The following MMEL1 variants were observed in gnomAD, a reference collection of about 807,000 sequenced individuals.
The protein encoded by MMEL1 is membrane metallo-endopeptidase-like 1.
MMEL1 carries 98 observed loss-of-function variants against 117.1 expected under a neutral mutation model. The observed-to-expected ratio is 0.84, with a 90% CI of 0.71 to 0.99. The LOEUF (loss-of-function observed/expected upper bound fraction) is 0.99, where lower values mean the gene tolerates loss of function less well. Ranked by LOEUF, MMEL1 falls within the 50% of genes least tolerant of loss-of-function variation. MMEL1 has a pLI of 0.00. For synonymous variants in MMEL1, 390 were observed against 415.1 expected, an observed-to-expected ratio of 0.94 and a Z score of 0.74; for missense variants, 1,014 against 1,049.1, an observed-to-expected ratio of 0.97 and a Z score of 0.46.
intron 2 of MMEL1, among the ~76,000 whole-genome samples, chr1:2,627,777 C>G (rs1638341383): frequency 6.6e-6 from 1 of 152,202 alleles, no homozygotes; most frequent in Non-Finnish European, 1.5e-5. Context: ...CTTCCACAAA[C>G]AATCCTGGAC....
chr1:2,595,429 T>C lies in MMEL1; in HGVS notation c.1501-70A>G. On this transcript the variant is annotated intron_variant, in intron 15 of 23. Transcript: ENST00000378412. The surrounding 1 kb of genome is among the most constrained non-coding windows in gnomAD (Gnocchi z 4.8). ...TGGAGTCAGCCCGGGGGCCGGTCAG[T>C]GAGTGCCACACTGTGGGAGGGGTCA... The C allele has an allele frequency of 1.5e-6, 2 of 1,367,026 alleles. No individual in the cohort carries two copies. The highest frequency in any genetic ancestry group is 2.1e-6 in the Non-Finnish European group (2 of 958,754). 84.7% of individuals were successfully genotyped at this position (1,367,026 alleles called of 1,614,324 possible).
chr1:2,618,076 T>G (rs928564606), intron 2 of MMEL1, among the ~76,000 whole-genome samples: 7 of 152,272 alleles, frequency 4.6e-5, no homozygotes, highest in African/African-American at 7.2e-5. Flanking sequence ...TGCCTTGATT[T>G]GAATAAGACC....
At chr1:2,606,097 G>C in intron 8 of MMEL1, 151 bp downstream of exon 8, 1 of 645,276 alleles carries the variant, frequency 1.5e-6, no homozygotes, top group East Asian at 2.6e-5. Context: ...GCTCGTTCCC[G>C]GGCCCACGGA....
At chr1:2,627,288 G>A (rs544514615) in intron 2 of MMEL1, among the ~76,000 whole-genome samples, 1 of 152,346 alleles carries the variant, frequency 6.6e-6, no homozygotes, top group East Asian at 1.9e-4. Context: ...AAGATTTGAT[G>A]TAACTACAAG....
intron 6 of MMEL1, among the ~76,000 whole-genome samples, chr1:2,607,464 G>T (rs1645048264): frequency 6.6e-6 from 1 of 151,740 alleles, no homozygotes; most frequent in Non-Finnish European, 1.5e-5. Flanking sequence ...CTCAGGCAGC[G>T]GTGGGTGGGC....
rs1227076842 is a variant in MMEL1 at position 2,607,070 on chromosome 1, C to T, written c.536-1G>A. ...TGAGAGCCTCGCTTCTCTATCACACCTGAGAAGGGACGCAGTGGTCACTCT... is the reference window on the plus strand; with the variant it reads ...TGAGAGCCTCGCTTCTCTATCACACTTGAGAAGGGACGCAGTGGTCACTCT... On this transcript the variant is annotated splice_acceptor_variant, in intron 6 of 23. Transcript: ENST00000378412. LOFTEE classifies it high-confidence loss of function. The T allele has an allele frequency of 1.2e-6, 2 of 1,611,038 alleles. No homozygotes were observed. Among genetic ancestry groups the T allele is most frequent in the Admixed American group, 3.3e-5 (2 of 60,024 alleles).
intron 9 of MMEL1, 134 bp from the exon 10 acceptor site, chr1:2,604,415 C>G (rs1270459266): frequency 7.9e-7 from 1 of 1,273,240 alleles, no homozygotes; most frequent in African/African-American, 1.5e-5. Flanking sequence ...GACCAGCAGG[C>G]TCTCGGGCAC....
intron 1 of MMEL1, among the ~76,000 whole-genome samples, chr1:2,631,132 C>T (rs1638560776): frequency 6.6e-6 from 1 of 152,210 alleles, no homozygotes; most frequent in African/African-American, 2.4e-5. Context: ...TGTGCACATC[C>T]CTCGCTGGCA....
rs760983777 is a variant in MMEL1 at position 2,591,071 on chromosome 1, C to T, written c.2259G>A (p.Gln753=). 15 of 1,603,422 alleles carry T rather than the reference C, an allele frequency of 9.4e-6. No individual in the cohort carries two copies. The South Asian group carries it at 1.7e-4, about 18-fold the overall frequency. ...ACGTGTCTGCGAAGGCGGCCAGGTTCTGCAGCGACCCCAGTACCCTGTGGG... is the reference window on the plus strand; with the variant it reads ...ACGTGTCTGCGAAGGCGGCCAGGTTTTGCAGCGACCCCAGTACCCTGTGGG... ...PLKYRVLGSL[Q]NLAAFADTFH... The change falls in exon 24 of 24, where the codon CAG becomes CAA. Residue 753 remains glutamine (Q), a synonymous_variant. Coordinates refer to ENST00000378412, the MANE Select transcript of MMEL1 (RefSeq NM_033467.4).
rs1438028698 is a variant in MMEL1 at position 2,629,293 on chromosome 1, G to A, written c.154+38C>T. 6.6e-6 allele frequency: 10 copies of A among 1,513,910 alleles called. No individual in the cohort carries two copies. The African/African-American group carries it at 1.4e-4, about 22-fold the overall frequency. 93.8% of individuals were successfully genotyped at this position (1,513,910 alleles called of 1,614,324 possible). A position where few individuals can be genotyped will look rare whatever the true frequency, so the allele number is the denominator to read the frequency against. ...TGCAGCGGGGCGAGCGCGGAGAGCG[G>A]GCACGGGGACAGGCGGGGGCGGGGC... On this transcript the variant is annotated intron_variant, in intron 2 of 23. Transcript: ENST00000378412.
At position 2,590,823 on chromosome 1, in the gene MMEL1, G is replaced by A. The variant is rs1432372064; in HGVS notation, c.*167C>T. 1 of 476,578 alleles carries A rather than the reference G, an allele frequency of 2.1e-6. No homozygotes were observed. Among genetic ancestry groups the A allele is most frequent in the African/African-American group, 2.0e-5 (1 of 49,438 alleles). The allele number at this position is 476,578 out of a possible 1,614,324, so 29.5% of individuals were successfully genotyped here. ...TGCACTGGACACTGCTCATCCCTGGGTGTCAGGCAGGTGGCTGCACCCTAG... is the reference window on the plus strand; with the variant it reads ...TGCACTGGACACTGCTCATCCCTGGATGTCAGGCAGGTGGCTGCACCCTAG... On this transcript the variant is annotated 3_prime_UTR_variant, in exon 24 of 24. Coordinates refer to ENST00000378412, the MANE Select transcript of MMEL1 (RefSeq NM_033467.4).
chr1:2,603,586 C>G (rs1366041250), intron 11 of MMEL1, among the ~76,000 whole-genome samples: 2 of 152,182 alleles, frequency 1.3e-5, no homozygotes, highest in Admixed American at 1.3e-4. Flanking sequence ...CACACATCAG[C>G]AGCCCCCTGA....
intron 1 of MMEL1, among the ~76,000 whole-genome samples, chr1:2,632,338 CA>C (rs1187650798): frequency 6.6e-6 from 1 of 152,214 alleles, no homozygotes; most frequent in East Asian, 1.9e-4. Flanking sequence ...CTGGCACCCC[CA>C]CCCCAGAGAC....
At chr1:2,599,904 C>T (rs1644905101) in intron 11 of MMEL1, among the ~76,000 whole-genome samples, 1 of 151,314 alleles carries the variant, frequency 6.6e-6, no homozygotes, top group Admixed American at 6.6e-5. Context: ...AATTCTATAA[C>T]CTGATAAAGG....
Position 2,606,235 on chromosome 1 carries a change from G to A in MMEL1, c.750+13C>T, listed in dbSNP as rs1645025010. 1.2e-6 allele frequency: 2 copies of A among 1,607,622 alleles called. No individual in the cohort carries two copies. Among genetic ancestry groups the A allele is most frequent in the African/African-American group, 1.3e-5 (1 of 74,826 alleles). ...GGACCCTGCCTACCCCTGCCCACCG[G>A]CGCGGCTCGTACGTAGATGATGTGC... On this transcript the variant is annotated intron_variant, in intron 8 of 23. Transcript: ENST00000378412.
intron 1 of MMEL1, 200 bp from the exon 2 acceptor site, chr1:2,629,721 G>A (rs1444186127): frequency 4.0e-5 from 20 of 497,498 alleles, no homozygotes; most frequent in Non-Finnish European, 7.0e-5. Flanking sequence ...GAATCTCTGA[G>A]TGCATGGAGG....
Position 2,612,351 on chromosome 1 carries a change from C to T in MMEL1, c.155-147G>A, listed in dbSNP as rs925809897. 2.5e-5 allele frequency: 16 copies of T among 645,044 alleles called. No individual in the cohort carries two copies. The highest frequency in any genetic ancestry group is 8.1e-5 in the Admixed American group (3 of 36,976). The allele number at this position is 645,044 out of a possible 1,614,324, so 40.0% of individuals were successfully genotyped here. On this transcript the variant is annotated intron_variant, in intron 2 of 23. Transcript: ENST00000378412. This position sits in a 1 kb window ranked among gnomAD's most constrained non-coding sequence, Gnocchi z 5.4. ...TAGTGAGGGCTGGTCCCCAGGGCAG[C>T]GAGACAGGAGATCCACAGAGTTCAC...
At chr1:2,609,179 T>C (rs898413857) in intron 6 of MMEL1, among the ~76,000 whole-genome samples, 160 bp downstream of exon 6, 143 of 152,228 alleles carry the variant, frequency 9.4e-4, no homozygotes, top group African/African-American at 3.3e-3. Flanking sequence ...ACCCTGTGGC[T>C]GGGAGCGGGA....
chr1:2,618,688 C>G (rs1645241903), intron 2 of MMEL1, among the ~76,000 whole-genome samples: 1 of 152,276 alleles, frequency 6.6e-6, no homozygotes, highest in East Asian at 1.9e-4. Flanking sequence ...CTGGTAGTGT[C>G]CTAAGGTGCC....
Sources: gnomAD v4.1 joint callset for allele counts (sites outside exome capture counted in the v4.1 genomes callset) on GRCh38, gnomAD v4.1.1 for gene constraint, Gnocchi (gnomAD v3.1) non-coding constraint, MANE v1.5 for transcripts, NCBI Gene and HGNC (gene_info 2026-07-23, HGNC 2026-07-21) for gene names.